Variants in DOK6 observed in about 807,000 individuals in gnomAD.
DOK6 encodes docking protein 6.
A neutral mutation model predicts 44.0 loss-of-function variants in DOK6; 22 were observed. The observed-to-expected ratio is 0.50, with a 90% CI of 0.36 to 0.71. DOK6 has a LOEUF of 0.71. Ranked by LOEUF, DOK6 falls within the 30% of genes least tolerant of loss-of-function variation. The probability of loss-of-function intolerance (pLI) is 0.00; values close to 1 mark genes in which losing one functional copy is unlikely to be tolerated. For missense variants in DOK6, 340 were observed against 416.4 expected (o/e 0.82, Z 1.60); for synonymous variants, 166 against 145.5 (o/e 1.14, Z -1.01).
At chr18:69,619,182 C>A (rs1423802770) in intron 3 of DOK6, among the ~76,000 whole-genome samples, 1 of 152,180 alleles carries the variant, frequency 6.6e-6, no homozygotes. Flanking sequence ...CCCAGAAGAA[C>A]GTGGAACGCA....
intron 3 of DOK6, among the ~76,000 whole-genome samples, chr18:69,603,734 G>A (rs975558227): frequency 1.7e-4 from 22 of 127,744 alleles, no homozygotes; most frequent in Non-Finnish European, 2.9e-4. Context: ...TCGCGCCACT[G>A]CACTCCAGCC....
chr18:69,737,957 C>G (rs1372896649), intron 5 of DOK6, among the ~76,000 whole-genome samples: 3 of 152,226 alleles, frequency 2.0e-5, no homozygotes, highest in Non-Finnish European at 2.9e-5. Context: ...CCTTACTCCT[C>G]TGAATCAACA....
At chr18:69,434,899 C>A (rs1471442701) in intron 1 of DOK6, among the ~76,000 whole-genome samples, 3 of 127,016 alleles carry the variant, frequency 2.4e-5, no homozygotes, top group Non-Finnish European at 4.8e-5. Flanking sequence ...TCCAGTCTGG[C>A]GACAGAGCGA....
At chr18:69,666,235 TCC>T (rs1253031721) in intron 3 of DOK6, among the ~76,000 whole-genome samples, 1 of 152,152 alleles carries the variant, frequency 6.6e-6, no homozygotes, top group Non-Finnish European at 1.5e-5. Flanking sequence ...ATCTTCCAAC[TCC>T]TTTTCCTAGG....
At chr18:69,783,950 T>C (rs1005847734) in intron 7 of DOK6, among the ~76,000 whole-genome samples, 4 of 152,218 alleles carry the variant, frequency 2.6e-5, no homozygotes, top group Admixed American at 2.6e-4. Flanking sequence ...TCCCAGCACT[T>C]TGGGAGGCAG....
At chr18:69,418,611 G>A (rs1480617335) in intron 1 of DOK6, among the ~76,000 whole-genome samples, 2 of 151,976 alleles carry the variant, frequency 1.3e-5, no homozygotes, top group Non-Finnish European at 2.9e-5. Flanking sequence ...ACAGGCACGT[G>A]CCACTTTGCC....
At chr18:69,580,318 C>G (rs1388877396) in intron 2 of DOK6, among the ~76,000 whole-genome samples, 15 of 152,146 alleles carry the variant, frequency 9.9e-5, no homozygotes, top group Admixed American at 9.8e-4. Flanking sequence ...CTGTCAATAA[C>G]AAGCTGCTCT....
intron 1 of DOK6, among the ~76,000 whole-genome samples, chr18:69,508,921 T>C (rs76417772): frequency 0.012 from 1,898 of 152,322 alleles, 40 homozygotes; most frequent in African/African-American, 0.042. Flanking sequence ...CCACTTTTGC[T>C]GTGATTAGTC....
chr18:69,596,838 A>G (rs1322920318), intron 2 of DOK6, among the ~76,000 whole-genome samples: 2 of 152,154 alleles, frequency 1.3e-5, no homozygotes, highest in Non-Finnish European at 2.9e-5. Flanking sequence ...TACGTATATA[A>G]TGTACTTTTA....
intron 2 of DOK6, among the ~76,000 whole-genome samples, chr18:69,590,865 T>G (rs1983606010): frequency 6.6e-6 from 1 of 152,138 alleles, no homozygotes; most frequent in South Asian, 2.1e-4. Flanking sequence ...TGACAAAATT[T>G]CATGACAGAA....
At chr18:69,603,429 A>G (rs558627063) in intron 3 of DOK6, among the ~76,000 whole-genome samples, 26 of 152,134 alleles carry the variant, frequency 1.7e-4, no homozygotes, top group Non-Finnish European at 2.8e-4. Flanking sequence ...TGCTCATCAC[A>G]GTTATTGCTA....
At chr18:69,430,256 T>C (rs1265779059) in intron 1 of DOK6, among the ~76,000 whole-genome samples, 1 of 152,234 alleles carries the variant, frequency 6.6e-6, no homozygotes, top group African/African-American at 2.4e-5. Context: ...ATATTTATTA[T>C]GCCTGTATCT....
chr18:69,825,637 G>A lies in DOK6; in HGVS notation c.857-15607G>A, dbSNP rs142616096. On this transcript the variant is annotated intron_variant, in intron 7 of 7. Transcript: ENST00000382713. Reference sequence around the variant, plus strand: ...TTTTTAGTAGAGACGGGGTTTCACCGTGTTAGCCAGGATGGTCTCGATCAA... The same window carrying A: ...TTTTTAGTAGAGACGGGGTTTCACCATGTTAGCCAGGATGGTCTCGATCAA... Among the ~76,000 whole-genome samples, 362 of 151,452 alleles carry A rather than the reference G, an allele frequency of 2.4e-3. 3 individuals are homozygous for A. Among genetic ancestry groups the A allele is most frequent in the African/African-American group, 8.2e-3 (337 of 41,340 alleles).
intron 3 of DOK6, among the ~76,000 whole-genome samples, chr18:69,603,234 G>A (rs1394826751): frequency 6.6e-6 from 1 of 152,146 alleles, no homozygotes; most frequent in Non-Finnish European, 1.5e-5. Flanking sequence ...TGCTGTGTGA[G>A]CTTACCACAC....
At chr18:69,776,496 G>T (rs1250992641) in intron 7 of DOK6, among the ~76,000 whole-genome samples, 1 of 152,072 alleles carries the variant, frequency 6.6e-6, no homozygotes, top group Non-Finnish European at 1.5e-5. Flanking sequence ...ATGAGATGTG[G>T]CTAAGTTGGT....
At chr18:69,834,878 TCA>T (rs887340349) in intron 7 of DOK6, among the ~76,000 whole-genome samples, 36 of 152,294 alleles carry the variant, frequency 2.4e-4, no homozygotes, top group African/African-American at 8.7e-4. Context: ...TTTAATTGAC[TCA>T]CAGTTTTGCA....
intron 1 of DOK6, among the ~76,000 whole-genome samples, chr18:69,547,159 G>T (rs1391833812): frequency 6.6e-6 from 1 of 151,550 alleles, no homozygotes; most frequent in Non-Finnish European, 1.5e-5. Flanking sequence ...GGAGTGCAGT[G>T]GTGTGATCTT....
intron 2 of DOK6, among the ~76,000 whole-genome samples, chr18:69,579,876 AC>A (rs1983325817): frequency 6.6e-6 from 1 of 151,962 alleles, no homozygotes; most frequent in Admixed American, 6.6e-5. Context: ...GCCCGCCTCA[AC>A]CCCCCAAATT....
intron 7 of DOK6, among the ~76,000 whole-genome samples, chr18:69,768,939 G>T (rs1183306209): frequency 1.3e-5 from 2 of 148,264 alleles, no homozygotes; most frequent in African/African-American, 5.0e-5. Context: ...TTTATGCTAA[G>T]ATTTGAAGGG....
Sources: allele counts gnomAD v4.1 joint callset (sites outside exome capture counted in the v4.1 genomes callset), GRCh38; gene constraint gnomAD v4.1.1; transcripts MANE v1.5; gene names NCBI Gene and HGNC (gene_info 2026-07-23, HGNC 2026-07-21).